GOSR1: variants seen among roughly 807,000 people sequenced by gnomAD.
The protein encoded by GOSR1 is golgi SNAP receptor complex member 1.
Under a neutral mutation model 35.5 loss-of-function variants are expected in GOSR1, and 21 were observed. That is an observed-to-expected ratio of 0.59 (90% CI 0.42 to 0.85). GOSR1 has a LOEUF of 0.85. Among genes scored for constraint, GOSR1 ranks in the 40% least tolerant of loss-of-function variants. GOSR1 has a pLI of 0.00. For missense variants in GOSR1, 285 were observed against 309.6 expected, an observed-to-expected ratio of 0.92 and a Z score of 0.60; for synonymous variants, 94 against 106.6, an observed-to-expected ratio of 0.88 and a Z score of 0.73.
At chr17:30,498,505 G>T (rs553247919) in intron 6 of GOSR1, among the ~76,000 whole-genome samples, 2 of 152,312 alleles carry the variant, frequency 1.3e-5, no homozygotes, top group Admixed American at 1.3e-4. Context: ...TTACTCTGCT[G>T]AAGCTTCTGA....
intron 6 of GOSR1, among the ~76,000 whole-genome samples, chr17:30,501,478 T>TA (rs890370466): frequency 1.3e-5 from 2 of 151,816 alleles, no homozygotes; most frequent in African/African-American, 2.4e-5. Context: ...GGAAGACACT[T>TA]ACGCAGTTTT....
chr17:30,513,154 A>C (rs922286718), intron 7 of GOSR1, among the ~76,000 whole-genome samples: 3 of 152,182 alleles, frequency 2.0e-5, no homozygotes, highest in Non-Finnish European at 2.9e-5. Context: ...TTAGAGATAC[A>C]TTTTAAAACT....
intron 5 of GOSR1, among the ~76,000 whole-genome samples, chr17:30,491,393 T>C (rs1316947123): frequency 6.6e-6 from 1 of 152,190 alleles, no homozygotes; most frequent in Non-Finnish European, 1.5e-5. Flanking sequence ...GCGTGGTGGC[T>C]CCCGCCTGTA....
intron 4 of GOSR1, among the ~76,000 whole-genome samples, chr17:30,489,346 A>C (rs1230563031): frequency 6.6e-6 from 1 of 152,190 alleles, no homozygotes; most frequent in Non-Finnish European, 1.5e-5. Context: ...TGGCACCACT[A>C]TACTCCAGCC....
chr17:30,521,165 C>CT (rs1413770315), intron 8 of GOSR1, among the ~76,000 whole-genome samples: 13 of 121,696 alleles, frequency 1.1e-4, no homozygotes, highest in African/African-American at 3.4e-4. Flanking sequence ...AGTTCTCTCT[C>CT]TCTTTTTTTT....
chr17:30,510,274 A>C (rs1034514683), intron 6 of GOSR1, among the ~76,000 whole-genome samples: 3 of 149,644 alleles, frequency 2.0e-5, no homozygotes, highest in African/African-American at 7.4e-5. Context: ...GAGTTTCGCC[A>C]TGTTGGCCAG....
chr17:30,480,088 C>T (rs1232067155), intron 1 of GOSR1: 6 of 152,058 alleles, frequency 3.9e-5, no homozygotes, highest in African/African-American at 1.4e-4. Flanking sequence ...GGGTGGATCA[C>T]TTGAGGTCAG....
intron 6 of GOSR1, among the ~76,000 whole-genome samples, chr17:30,501,796 G>A (rs1967221225): frequency 6.6e-6 from 1 of 151,434 alleles, no homozygotes. Context: ...GCCGAGCCTG[G>A]CAGTTTTCTT....
intron 6 of GOSR1, among the ~76,000 whole-genome samples, chr17:30,498,944 G>T (rs534866344): frequency 6.6e-6 from 1 of 152,068 alleles, no homozygotes; most frequent in Non-Finnish European, 1.5e-5. Flanking sequence ...TCTTTTAACC[G>T]CCACCACAGT....
In GOSR1 at chr17:30,502,910, C is replaced by T. The variant is rs181736251; in HGVS notation, c.510-7970C>T. On this transcript the variant is annotated intron_variant, in intron 6 of 8. Coordinates refer to ENST00000451249, the MANE Select transcript of GOSR1 (RefSeq NM_001007025.2). Reference sequence around the variant, plus strand: ...ATAAGAAATGTAGAAATAAGTAAGACGTAGATCTTAAGGATCTCTCTGGTT... The same window carrying T: ...ATAAGAAATGTAGAAATAAGTAAGATGTAGATCTTAAGGATCTCTCTGGTT... Among the ~76,000 whole-genome samples, 17 of 152,312 alleles carry T rather than the reference C, an allele frequency of 1.1e-4. No individual in the cohort carries two copies. In the East Asian group the frequency reaches 1.7e-3, roughly 16 times the overall value.
At chr17:30,487,315 A>G (rs201383646) in intron 4 of GOSR1, among the ~76,000 whole-genome samples, 1 of 152,172 alleles carries the variant, frequency 6.6e-6, no homozygotes. Context: ...ACAAATTCCA[A>G]ATGGATCCAA....
rs72809821 is a variant in GOSR1, at chr17:30,487,380, A to G, written c.342+2610A>G. Among the ~76,000 whole-genome samples, 720 of 152,322 alleles carry G rather than the reference A, an allele frequency of 4.7e-3. 3 individuals are homozygous for G. Among genetic ancestry groups the G allele is most frequent in the Non-Finnish European group, 8.7e-3 (590 of 68,012 alleles). ...AGGTGAAATTTGTAAACTTTGGAGC[A>G]GAAAGGACTTTCTAAATAAGACTTG... On this transcript the variant is annotated intron_variant, in intron 4 of 8. Coordinates refer to ENST00000451249, the MANE Select transcript of GOSR1 (RefSeq NM_001007025.2).
At chr17:30,502,631 A>T (rs1390584396) in intron 6 of GOSR1, among the ~76,000 whole-genome samples, 9 of 152,228 alleles carry the variant, frequency 5.9e-5, no homozygotes. Flanking sequence ...TGCTGTGATT[A>T]TGAAAATGTT....
At chr17:30,479,580 A>G (rs1296844438) in intron 1 of GOSR1, 1 of 151,758 alleles carries the variant, frequency 6.6e-6, no homozygotes, top group Non-Finnish European at 1.5e-5. Flanking sequence ...CTCACTGCAA[A>G]CTCTGCCTTC....
intron 3 of GOSR1, 117 bp downstream of exon 3, chr17:30,484,418 G>T: frequency 1.4e-6 from 1 of 739,544 alleles, no homozygotes; most frequent in Admixed American, 1.9e-5. Flanking sequence ...TTCAATATGT[G>T]TACCTCCCCA....
At chr17:30,487,863 C>G (rs1016507148) in intron 4 of GOSR1, among the ~76,000 whole-genome samples, 4 of 152,058 alleles carry the variant, frequency 2.6e-5, no homozygotes, top group African/African-American at 9.7e-5. Flanking sequence ...GCAGCCTCCA[C>G]GTCCTGGGTT....
chr17:30,512,733 C>A (rs1967659943), intron 7 of GOSR1, among the ~76,000 whole-genome samples: 2 of 152,150 alleles, frequency 1.3e-5, no homozygotes, highest in Non-Finnish European at 2.9e-5. Context: ...CACATTTTGC[C>A]AGGAATTCTT....
At chr17:30,489,887 G>A (rs974929869) in intron 4 of GOSR1, among the ~76,000 whole-genome samples, 1 of 152,128 alleles carries the variant, frequency 6.6e-6, no homozygotes, top group Non-Finnish European at 1.5e-5. Context: ...AGTACTAGGA[G>A]GTACAAAGGA....
At chr17:30,504,507 CA>C (rs2143804814) in intron 6 of GOSR1, among the ~76,000 whole-genome samples, 1 of 152,210 alleles carries the variant, frequency 6.6e-6, no homozygotes, top group East Asian at 1.9e-4. Flanking sequence ...CAATTTTGTG[CA>C]AAAAGTGGGA....
Sources: gnomAD v4.1 joint callset for allele counts (sites outside exome capture counted in the v4.1 genomes callset) on GRCh38, gnomAD v4.1.1 for gene constraint, MANE v1.5 for transcripts, NCBI Gene and HGNC (gene_info 2026-07-23, HGNC 2026-07-21) for gene names.